CCNJ: variants seen among roughly 807,000 people sequenced by gnomAD.
CCNJ encodes cyclin-J.
CCNJ carries 12 observed loss-of-function variants against 41.4 expected under a neutral mutation model. That is an observed-to-expected ratio of 0.29 (90% CI 0.19 to 0.47). The LOEUF (loss-of-function observed/expected upper bound fraction) is 0.47. CCNJ is among the 20% of genes least tolerant of loss of function. CCNJ has a pLI of 1.00. For synonymous variants in CCNJ, 161 were observed against 173.4 expected, an observed-to-expected ratio of 0.93 and a Z score of 0.56; for missense variants, 340 against 464.6, an observed-to-expected ratio of 0.73 and a Z score of 2.47.
chr10:96,047,682 T>C (rs1413095554), intron 2 of CCNJ, among the ~76,000 whole-genome samples: 2 of 152,214 alleles, frequency 1.3e-5, no homozygotes, highest in African/African-American at 4.8e-5. Context: ...TAAATTACAT[T>C]GACTATTTTA....
At position 96,058,722 on chromosome 10, in the gene CCNJ, CA is replaced by C. The variant is rs2080758065; in HGVS notation, c.*482del. 2.6e-6 allele frequency: 1 copy of C among 383,700 alleles called. No individual in the cohort carries two copies. The allele number at this position is 383,700 out of a possible 1,614,324, so 23.8% of individuals were successfully genotyped here. ...TGCAATTTTTTATTTTTGTTCTACACATGAATTTTTGACTAAGTTTAAACTC... is the reference window on the plus strand; with the variant it reads ...TGCAATTTTTTATTTTTGTTCTACACTGAATTTTTGACTAAGTTTAAACTC... On this transcript the variant is annotated 3_prime_UTR_variant, in exon 6 of 6. Coordinates refer to ENST00000465148, the MANE Select transcript of CCNJ (RefSeq NM_001134375.2).
intron 3 of CCNJ, among the ~76,000 whole-genome samples, chr10:96,050,688 C>T (rs1284097418): frequency 2.0e-5 from 3 of 152,158 alleles, no homozygotes; most frequent in Admixed American, 1.3e-4. Flanking sequence ...CGTACATTCT[C>T]GGCCACTCCA....
chr10:96,044,892 TTC>T (rs1295670205), intron 2 of CCNJ, among the ~76,000 whole-genome samples: 3 of 152,178 alleles, frequency 2.0e-5, no homozygotes, highest in Non-Finnish European at 2.9e-5. Context: ...CAAGTGAAAT[TTC>T]TGTTTCTTGA....
chr10:96,057,956 G>A lies in CCNJ; in HGVS notation c.867G>A (p.Gln289=), dbSNP rs748336525. 3.1e-6 allele frequency: 5 copies of A among 1,614,170 alleles called. No individual in the cohort carries two copies. Among genetic ancestry groups the A allele is most frequent in the Non-Finnish European group, 4.2e-6 (5 of 1,180,036 alleles). ...GGCCAGTTCACTTTCAGCAACCTCA[G>A]TATCTCCATCAGACACATCAGACCT... ...PSRPVHFQQP[Q]YLHQTHQTSL... is the part of the protein sequence containing the mutation. Residue 289 remains glutamine (Q), a synonymous_variant, in exon 6 of 6, where the codon CAG becomes CAA. Transcript: ENST00000465148.
At chr10:96,047,863 G>T in intron 2 of CCNJ, among the ~76,000 whole-genome samples, 1 of 152,066 alleles carries the variant, frequency 6.6e-6, no homozygotes, top group East Asian at 1.9e-4. Flanking sequence ...GTGGCTTACT[G>T]CACAGATCAT....
In CCNJ at chr10:96,044,370, G is replaced by C; in HGVS notation, c.-24G>C. 6.6e-7 allele frequency: 1 copy of C among 1,507,418 alleles called. No individual in the cohort carries two copies. Among genetic ancestry groups the C allele is most frequent in the Non-Finnish European group, 8.9e-7 (1 of 1,120,730 alleles). 93.4% of individuals were successfully genotyped at this position (1,507,418 alleles called of 1,614,324 possible). A position where few individuals can be genotyped will look rare whatever the true frequency, so the allele number is the denominator to read the frequency against. ...TCTTACAGACTCGAGTTGCCGCGTC[G>C]GGCTGGGCGCGCCGCCGGGTCCCAT... On this transcript the variant is annotated 5_prime_UTR_variant, in exon 2 of 6. Coordinates refer to ENST00000465148, the MANE Select transcript of CCNJ (RefSeq NM_001134375.2).
intron 2 of CCNJ, 32 bp downstream of exon 2, chr10:96,044,494 CTG>C: frequency 2.1e-6 from 3 of 1,436,968 alleles, no homozygotes; most frequent in Non-Finnish European, 9.3e-7. Flanking sequence ...CCTTCTCCTT[CTG>C]TGTGTCGCGC....
chr10:96,044,058 T>G (rs1474210610), intron 1 of CCNJ, among the ~76,000 whole-genome samples: 1 of 152,136 alleles, frequency 6.6e-6, no homozygotes, highest in Non-Finnish European at 1.5e-5. Context: ...CTCCCCCAGC[T>G]CTTCCCGAGC....
At chr10:96,050,210 T>G in intron 2 of CCNJ, 46 bp from the exon 3 acceptor site, 1 of 1,232,814 alleles carries the variant, frequency 8.1e-7, no homozygotes, top group South Asian at 1.2e-5. Context: ...CTTGTGGGGA[T>G]ACGCCTACAG....
chr10:96,055,244 G>A (rs1435279543), intron 3 of CCNJ, among the ~76,000 whole-genome samples: 1 of 152,198 alleles, frequency 6.6e-6, no homozygotes, highest in Non-Finnish European at 1.5e-5. Context: ...TTAGATCTAA[G>A]GAAGTTCACC....
chr10:96,050,800 T>C (rs765228364), intron 3 of CCNJ, among the ~76,000 whole-genome samples: 2 of 152,208 alleles, frequency 1.3e-5, no homozygotes, highest in Admixed American at 6.5e-5. Context: ...TTGAGAACCA[T>C]TGTCTTAAAG....
chr10:96,058,008 G>GT lies in CCNJ; in HGVS notation c.919_920insT (p.Glu307ValfsTer29), dbSNP rs752316825. The stretch of plus-strand genomic sequence containing the variant: ...ACTGCAGTATCGCCATCCTACGTCA[G>GT]AACAACCAAGCTGTCAGCAGATTGT... On this transcript the variant is annotated frameshift_variant, in exon 6 of 6. Coordinates refer to ENST00000465148, the MANE Select transcript of CCNJ (RefSeq NM_001134375.2). LOFTEE classifies it high-confidence loss of function. 6.2e-7 allele frequency: 1 copy of GT among 1,614,116 alleles called. No homozygotes were observed. The highest frequency in any genetic ancestry group is 8.5e-7 in the Non-Finnish European group (1 of 1,180,028).
In CCNJ at chr10:96,058,560, T is replaced by C. The variant is rs189322798; in HGVS notation, c.*319T>C. 4.4e-6 allele frequency: 2 copies of C among 455,792 alleles called. No homozygotes were observed. The highest frequency in any genetic ancestry group is 7.7e-6 in the Non-Finnish European group (2 of 258,778). The allele number at this position is 455,792 out of a possible 1,614,324, so 28.2% of individuals were successfully genotyped here. On this transcript the variant is annotated 3_prime_UTR_variant, in exon 6 of 6. Transcript: ENST00000465148. ...AGACTTCAATTTGCCATTTTGAGAT[T>C]TGACCTGTGGTAGCATCTGGGCCTA... is the stretch of plus-strand genomic sequence containing the variant.
intron 2 of CCNJ, among the ~76,000 whole-genome samples, chr10:96,049,302 GGTT>G (rs1261422288): frequency 6.6e-6 from 1 of 151,766 alleles, no homozygotes; most frequent in Non-Finnish European, 1.5e-5. Flanking sequence ...TAGGTTTTTT[GGTT>G]GTTATCCAGT....
chr10:96,046,054 A>G (rs1217187194), intron 2 of CCNJ, among the ~76,000 whole-genome samples: 3 of 152,046 alleles, frequency 2.0e-5, no homozygotes, highest in Admixed American at 6.6e-5. Flanking sequence ...CATTTTGTCA[A>G]TTGAGTTTGG....
At chr10:96,054,428 T>C (rs1055549955) in intron 3 of CCNJ, among the ~76,000 whole-genome samples, 5 of 152,218 alleles carry the variant, frequency 3.3e-5, no homozygotes, top group African/African-American at 1.2e-4. Context: ...TTTATTACTA[T>C]ACATAATGGA....
Position 96,058,226 on chromosome 10 carries a change from A to G in CCNJ, c.1137A>G (p.Pro379=), listed in dbSNP as rs780056609. 3.5e-5 allele frequency: 56 copies of G among 1,611,930 alleles called. No homozygotes were observed. The highest frequency in any genetic ancestry group is 2.5e-4 in the Admixed American group (15 of 59,974). Residue 379 remains proline, a synonymous_variant, in exon 6 of 6, where the codon CCA becomes CCG. Coordinates refer to ENST00000465148, the MANE Select transcript of CCNJ (RefSeq NM_001134375.2). ...QINEHYPCIT[P]CFER is the part of the protein sequence containing the mutation. ...ATGAACATTACCCTTGTATTACTCC[A>G]TGTTTTGAAAGGTGATTATTTGTGA...
intron 3 of CCNJ, among the ~76,000 whole-genome samples, chr10:96,056,075 C>T (rs760471427): frequency 9.9e-5 from 15 of 152,116 alleles, no homozygotes; most frequent in Non-Finnish European, 7.3e-5. Context: ...TTTGGGAGGC[C>T]GAGGCAGGCA....
Position 96,059,642 on chromosome 10 carries a change from G to C in CCNJ, c.*1401G>C, listed in dbSNP as rs1020274810. ...AGCTTTCTGGTTTAAAAATTAGTAAGGTGTGTCTTTTTGTTTTTTTTAAGA... is the reference window on the plus strand; with the variant it reads ...AGCTTTCTGGTTTAAAAATTAGTAACGTGTGTCTTTTTGTTTTTTTTAAGA... On this transcript the variant is annotated 3_prime_UTR_variant, in exon 6 of 6. Coordinates refer to ENST00000465148, the MANE Select transcript of CCNJ (RefSeq NM_001134375.2). The C allele has an allele frequency of 2.6e-5, 4 of 152,564 alleles. No individual in the cohort carries two copies. Among genetic ancestry groups the C allele is most frequent in the African/African-American group, 9.7e-5 (4 of 41,432 alleles). 9.5% of individuals were successfully genotyped at this position (152,564 alleles called of 1,614,324 possible).
Sources: gnomAD v4.1 joint callset for allele counts (sites outside exome capture counted in the v4.1 genomes callset) on GRCh38, gnomAD v4.1.1 for gene constraint, MANE v1.5 for transcripts, NCBI Gene and HGNC (gene_info 2026-07-23, HGNC 2026-07-21) for gene names.